The following DUX4 variants were observed in gnomAD, a reference collection of about 807,000 sequenced individuals.
DUX4 encodes double homeobox 4.
intron 1 of DUX4, among the ~76,000 whole-genome samples, chr4:190,181,531 C>CACAGTGATCAATGCAGTGATATG (rs1579837665): frequency 7.6e-6 from 1 of 131,764 alleles, no homozygotes; most frequent in African/African-American, 2.8e-5. Context: ...GTTACATCAC[C>CACAGTGATCAATGCAGTGATATG]TCGGTGATCA....
chr4:190,179,579 T>A (rs1579835700), downstream of DUX4, among the ~76,000 whole-genome samples: 57 of 150,474 alleles, frequency 3.8e-4, no homozygotes, highest in Middle Eastern at 3.4e-3. Flanking sequence ...TATGTCACAA[T>A]GCTGTGTAGC....
downstream of DUX4, among the ~76,000 whole-genome samples, chr4:190,176,826 G>C (rs1262753330): frequency 4.7e-5 from 6 of 127,488 alleles, no homozygotes; most frequent in Admixed American, 1.8e-4. Context: ...TCAGAGATCA[G>C]TGCATAGATA....
At chr4:190,179,003 C>T (rs1579834990), downstream of DUX4, among the ~76,000 whole-genome samples, 25 of 146,248 alleles carry the variant, frequency 1.7e-4, no homozygotes, top group Middle Eastern at 3.5e-3. Context: ...GCCCCATCAC[C>T]TGGATGATTA....
At position 190,175,698 on chromosome 4, in the gene DUX4, C is replaced by G. The variant is rs1742265258; in HGVS notation, c.*288C>G. 1 of 167,242 alleles carries G rather than the reference C, an allele frequency of 6.0e-6. No homozygotes were observed. 10.4% of individuals were successfully genotyped at this position (167,242 alleles called of 1,614,324 possible). On this transcript the variant is annotated 3_prime_UTR_variant, in exon 2 of 2. Transcript: ENST00000565211. ...GACGTGCAAGGGAGCTCGCTGGCCT[C>G]TCTGTGCCCTTGTTCTTCCGTGAAA...
At chr4:190,178,504 G>C (rs1742429476), downstream of DUX4, among the ~76,000 whole-genome samples, 3,307 of 119,968 alleles carry the variant, frequency 0.028, no homozygotes, top group South Asian at 0.041. Context: ...CCTGTAGGCA[G>C]ATCCTAGACA....
downstream of DUX4, among the ~76,000 whole-genome samples, chr4:190,179,801 A>AC (rs1742514127): frequency 1.4e-4 from 1 of 7,404 alleles, no homozygotes. Context: ...AGGCAAGCCT[A>AC]CACAAGTATT....
chr4:190,181,597 C>A (rs2126584597), intron 1 of DUX4, among the ~76,000 whole-genome samples: 25 of 70,012 alleles, frequency 3.6e-4, no homozygotes, highest in Non-Finnish European at 4.6e-4. Context: ...CGTTACATCA[C>A]CTGGGTGATC....
At chr4:190,176,050 C>G (rs1329244582), downstream of DUX4, among the ~76,000 whole-genome samples, 2 of 111,662 alleles carry the variant, frequency 1.8e-5, 1 homozygote, top group Non-Finnish European at 4.2e-5. Context: ...AGAGCCTAGA[C>G]AATTGTTACA....
chr4:190,179,457 G>GATCCTAGAGAAGGCAC, downstream of DUX4, among the ~76,000 whole-genome samples: 1 of 150,646 alleles, frequency 6.6e-6, no homozygotes. Flanking sequence ...CCTGTAAGCA[G>GATCCTAGAGAAGGCAC]ATCCTAGAGA....
At chr4:190,179,034 G>GTTAATTTAGGCAGA (rs1742473056), downstream of DUX4, among the ~76,000 whole-genome samples, 1 of 6,844 alleles carries the variant, frequency 1.5e-4, no homozygotes, top group Non-Finnish European at 2.7e-4. Flanking sequence ...ATGTCACAAA[G>GTTAATTTAGGCAGA]TCCCTTTAGG....
chr4:190,176,710 G>T (rs1475528525), downstream of DUX4, among the ~76,000 whole-genome samples: 1 of 107,048 alleles, frequency 9.3e-6, no homozygotes, highest in Non-Finnish European at 2.2e-5. Flanking sequence ...GTGTCAGAAT[G>T]CCCATGTAGG....
In DUX4 at chr4:190,175,611, C is replaced by G. The variant is rs1376475326; in HGVS notation, c.*237-36C>G. The G allele has an allele frequency of 1.7e-5, 3 of 171,500 alleles. 1 individual carries two copies. The highest frequency in any genetic ancestry group is 7.8e-5 in the African/African-American group (3 of 38,492). The allele number at this position is 171,500 out of a possible 1,614,324, so 10.6% of individuals were successfully genotyped here. ...GCACGGAGCGCCTGGCGGTCAAAAG[C>G]ATACCTCTGTCTGTCTTTGCCCGCT... On this transcript the variant is annotated intron_variant, in intron 1 of 1. Coordinates refer to ENST00000565211, the MANE Select transcript of DUX4 (RefSeq NM_001306068.3).
downstream of DUX4, among the ~76,000 whole-genome samples, chr4:190,176,130 C>G (rs1277182735): frequency 1.8e-5 from 2 of 112,838 alleles, 1 homozygote; most frequent in Non-Finnish European, 4.2e-5. Context: ...AGTGTTCCCT[C>G]CCTGGGCTGA....
At chr4:190,176,415 C>T (rs1742307041), downstream of DUX4, among the ~76,000 whole-genome samples, 1 of 109,364 alleles carries the variant, frequency 9.1e-6, no homozygotes, top group African/African-American at 2.7e-5. Flanking sequence ...CCTTGGGGAT[C>T]AGTGCAGAGA....
intron 1 of DUX4, among the ~76,000 whole-genome samples, chr4:190,182,359 T>A (rs1742612482): frequency 2.4e-5 from 2 of 82,564 alleles, no homozygotes; most frequent in Non-Finnish European, 6.1e-5. Flanking sequence ...GGATTCGGGT[T>A]CAGGTTAAGA....
At chr4:190,179,502 A>G (rs1742498730), downstream of DUX4, among the ~76,000 whole-genome samples, 1,767 of 105,286 alleles carry the variant, frequency 0.017, no homozygotes, top group Non-Finnish European at 0.022. Flanking sequence ...GTGCAGAGAT[A>G]TGTCACAAGC....
chr4:190,176,133 T>A (rs1742293543), downstream of DUX4, among the ~76,000 whole-genome samples: 1 of 112,560 alleles, frequency 8.9e-6, no homozygotes, highest in Admixed American at 1.1e-4. Flanking sequence ...GTTCCCTCCC[T>A]GGGCTGATCA....
downstream of DUX4, among the ~76,000 whole-genome samples, chr4:190,179,578 A>AGCCCCC (rs1742504474): frequency 6.6e-6 from 1 of 151,204 alleles, no homozygotes; most frequent in Non-Finnish European, 1.5e-5. Context: ...ATATGTCACA[A>AGCCCCC]TGCTGTGTAG....
downstream of DUX4, among the ~76,000 whole-genome samples, chr4:190,176,012 A>G (rs1251444930): frequency 2.7e-5 from 3 of 110,964 alleles, no homozygotes; most frequent in South Asian, 3.3e-4. Flanking sequence ...TGATCAGTGT[A>G]GAGATATGTT....
Sources: gnomAD v4.1 joint callset for allele counts (sites outside exome capture counted in the v4.1 genomes callset) on GRCh38, gnomAD v4.1.1 for gene constraint, MANE v1.5 for transcripts, NCBI Gene and HGNC (gene_info 2026-07-23, HGNC 2026-07-21) for gene names.